The following TRPC5 variants were observed in gnomAD, a reference collection of about 807,000 sequenced individuals.
TRPC5 encodes short transient receptor potential channel 5.
TRPC5 carries 9 observed loss-of-function variants against 56.5 expected under a neutral mutation model. The observed-to-expected ratio is 0.16, with a 90% CI of 0.10 to 0.28. The LOEUF (loss-of-function observed/expected upper bound fraction) is 0.28, where lower values mean the gene tolerates loss of function less well. Ranked by LOEUF, TRPC5 falls within the 10% of genes least tolerant of loss-of-function variation. The probability of loss-of-function intolerance (pLI) is 1.00; values close to 1 mark genes in which losing one functional copy is unlikely to be tolerated. For missense variants in TRPC5, 469 were observed against 748.9 expected (o/e 0.63, Z 4.36); for synonymous variants, 282 against 278.5 (o/e 1.01, Z -0.13).
chrX:111,921,978 G>T (rs1164392702), intron 2 of TRPC5, among the ~76,000 whole-genome samples: 1 of 112,392 alleles, frequency 8.9e-6, no homozygotes, highest in African/African-American at 3.2e-5. Context: ...CGAATAGATT[G>T]AGCTACAGTC....
At chrX:111,904,702 G>A (rs1925526282) in intron 3 of TRPC5, among the ~76,000 whole-genome samples, 1 of 111,179 alleles carries the variant, frequency 9.0e-6, no homozygotes, top group African/African-American at 3.3e-5. Flanking sequence ...TTAATACCTA[G>A]GTGATGGGTT....
rs373320497 is a variant in TRPC5, at chrX:111,799,768, T to TA, written c.1897-17631dup. Among the ~76,000 whole-genome samples, 681 of 103,541 alleles carry TA rather than the reference T, an allele frequency of 6.6e-3. 8 individuals are homozygous for TA. Among genetic ancestry groups the TA allele is most frequent in the African/African-American group, 0.021 (587 of 28,490 alleles). 89.9% of individuals were successfully genotyped at this position (103,541 alleles called of 115,157 possible). A position where few individuals can be genotyped will look rare whatever the true frequency, so the allele number is the denominator to read the frequency against. On this transcript the variant is annotated intron_variant, in intron 7 of 10. Transcript: ENST00000262839. ...TCATGAATGAAATTGTGGATGTGGATAAAAAAAAAAGGGTAACAAATGAAG... is the reference window on the plus strand; with the variant it reads ...TCATGAATGAAATTGTGGATGTGGATAAAAAAAAAAAGGGTAACAAATGAAG...
intron 1 of TRPC5, among the ~76,000 whole-genome samples, chrX:112,077,639 C>T (rs1323836548): frequency 8.9e-6 from 1 of 111,791 alleles, no homozygotes; most frequent in Non-Finnish European, 1.9e-5. Flanking sequence ...AGCCTTTTCC[C>T]TATCCTTGTG....
chrX:112,020,601 G>A (rs1352152443), intron 1 of TRPC5, among the ~76,000 whole-genome samples: 1 of 111,780 alleles, frequency 8.9e-6, no homozygotes, highest in Non-Finnish European at 1.9e-5. Flanking sequence ...TCAATGTGAT[G>A]AGATGAGCAA....
intron 1 of TRPC5, among the ~76,000 whole-genome samples, chrX:111,977,495 C>T (rs1444133353): frequency 1.8e-5 from 2 of 111,891 alleles, no homozygotes; most frequent in East Asian, 2.8e-4. Flanking sequence ...AAACATAAGA[C>T]GTGAAACTAC....
chrX:112,023,267 T>TG (rs1466021085), intron 1 of TRPC5, among the ~76,000 whole-genome samples: 12 of 97,015 alleles, frequency 1.2e-4, no homozygotes, highest in African/African-American at 5.0e-4. Flanking sequence ...TTTTTTTTTT[T>TG]TTTTTTTTAC....
At chrX:112,073,754 T>C (rs1159076895) in intron 1 of TRPC5, among the ~76,000 whole-genome samples, 1 of 111,771 alleles carries the variant, frequency 8.9e-6, no homozygotes, top group Non-Finnish European at 1.9e-5. Context: ...CTTAATCTTA[T>C]ATCAAAGCTT....
chrX:111,880,321 C>T (rs753547010), intron 3 of TRPC5, among the ~76,000 whole-genome samples: 1 of 112,242 alleles, frequency 8.9e-6, no homozygotes, highest in Non-Finnish European at 1.9e-5. Context: ...ATATCTGGCA[C>T]ACAGTAGGTG....
intron 1 of TRPC5, among the ~76,000 whole-genome samples, chrX:112,026,344 G>GA (rs2147715037): frequency 8.9e-6 from 1 of 112,288 alleles, no homozygotes; most frequent in Non-Finnish European, 1.9e-5. Context: ...AAAAACTTTG[G>GA]ACAGATTGCT....
intron 1 of TRPC5, among the ~76,000 whole-genome samples, chrX:111,995,406 G>C (rs1928496474): frequency 1.8e-5 from 2 of 111,922 alleles, no homozygotes; most frequent in African/African-American, 6.5e-5. Flanking sequence ...TGTTCATCAG[G>C]TATATTGGTC....
intron 7 of TRPC5, among the ~76,000 whole-genome samples, chrX:111,784,731 T>C (rs1017500716): frequency 2.1e-4 from 24 of 112,661 alleles, no homozygotes; most frequent in Admixed American, 1.1e-3. Flanking sequence ...ACTGCACTTT[T>C]CCCAAGGTCT....
At chrX:111,869,747 C>T (rs1923679949) in intron 3 of TRPC5, among the ~76,000 whole-genome samples, 1 of 111,648 alleles carries the variant, frequency 9.0e-6, no homozygotes, top group Admixed American at 9.6e-5. Context: ...ATGGCTTATC[C>T]TAGCCATGAG....
intron 7 of TRPC5, among the ~76,000 whole-genome samples, chrX:111,790,013 G>T (rs1173216987): frequency 8.9e-6 from 1 of 111,842 alleles, no homozygotes; most frequent in Non-Finnish European, 1.9e-5. Context: ...ATTCCTCAAG[G>T]ATCTAGAATG....
chrX:111,868,775 T>C (rs746099445), intron 3 of TRPC5, among the ~76,000 whole-genome samples: 4 of 111,961 alleles, frequency 3.6e-5, no homozygotes, highest in Non-Finnish European at 7.5e-5. Flanking sequence ...TAGTAAGATC[T>C]GAGGTAAGGG....
chrX:111,779,245 T>C (rs1448807460), intron 9 of TRPC5, among the ~76,000 whole-genome samples, 171 bp from the exon 10 acceptor site: 1 of 111,912 alleles, frequency 8.9e-6, no homozygotes, highest in Non-Finnish European at 1.9e-5. Flanking sequence ...TAAACAACTA[T>C]TGTGTCTCTG....
At chrX:111,944,303 T>TGTGTGTGTGAGAAA (rs1173179815) in intron 2 of TRPC5, among the ~76,000 whole-genome samples, 15 of 61,392 alleles carry the variant, frequency 2.4e-4, no homozygotes, top group African/African-American at 1.5e-3. Flanking sequence ...TGTGTGTGTG[T>TGTGTGTGTGAGAAA]GAGAGAGAGA....
intron 1 of TRPC5, among the ~76,000 whole-genome samples, chrX:112,011,342 G>T (rs949238139): frequency 1.8e-5 from 2 of 111,492 alleles, no homozygotes; most frequent in African/African-American, 3.3e-5. Context: ...CCAAGAAAGC[G>T]CAAGTAAGTA....
At chrX:111,877,325 A>C (rs1923996302) in intron 3 of TRPC5, among the ~76,000 whole-genome samples, 1 of 112,040 alleles carries the variant, frequency 8.9e-6, no homozygotes, top group East Asian at 2.8e-4. Context: ...CTCTGCTACA[A>C]AATGATGGAG....
chrX:111,908,100 A>G (rs989552948), intron 3 of TRPC5, among the ~76,000 whole-genome samples: 1 of 112,225 alleles, frequency 8.9e-6, no homozygotes, highest in Non-Finnish European at 1.9e-5. Context: ...TGTGAATTGA[A>G]TAGAGAGAAA....
Sources: gnomAD v4.1 joint callset for allele counts (sites outside exome capture counted in the v4.1 genomes callset) on GRCh38, gnomAD v4.1.1 for gene constraint, MANE v1.5 for transcripts, NCBI Gene and HGNC (gene_info 2026-07-23, HGNC 2026-07-21) for gene names.